Variants in ATG5 observed in about 807,000 individuals in gnomAD.
ATG5 encodes the protein autophagy protein 5.
ATG5 carries 14 observed loss-of-function variants against 36.5 expected under a neutral mutation model. The observed-to-expected ratio is 0.38, with a 90% confidence interval of 0.25 to 0.60. The LOEUF (loss-of-function observed/expected upper bound fraction) is 0.60, where lower values mean the gene tolerates loss of function less well. Ranked by LOEUF, ATG5 falls within the 20% of genes least tolerant of loss-of-function variation. The probability of loss-of-function intolerance (pLI) is 0.60; values close to 1 mark genes in which losing one functional copy is unlikely to be tolerated. For synonymous variants in ATG5, 95 were observed against 101.5 expected, an observed-to-expected ratio of 0.94 and a Z score of 0.38; for missense variants, 195 against 326.7, an observed-to-expected ratio of 0.60 and a Z score of 3.11.
chr6:106,278,114 AT>A (rs1779733657), intron 5 of ATG5, among the ~76,000 whole-genome samples: 1 of 151,756 alleles, frequency 6.6e-6, no homozygotes, highest in Admixed American at 6.6e-5. Flanking sequence ...TAATGTTTAG[AT>A]TTTTTTGCAG....
chr6:106,269,189 CAG>C (rs1282691904), intron 5 of ATG5, among the ~76,000 whole-genome samples: 2 of 152,114 alleles, frequency 1.3e-5, no homozygotes, highest in Non-Finnish European at 2.9e-5. Flanking sequence ...TAGCTAGTTA[CAG>C]AGTGTCGATT....
At chr6:106,225,717 G>A (rs932603686) in intron 6 of ATG5, among the ~76,000 whole-genome samples, 2 of 152,046 alleles carry the variant, frequency 1.3e-5, no homozygotes, top group African/African-American at 4.8e-5. Context: ...TATTTGATCT[G>A]CCAGTTCCCT....
intron 7 of ATG5, among the ~76,000 whole-genome samples, chr6:106,198,214 A>C (rs941281067): frequency 3.3e-5 from 5 of 152,198 alleles, no homozygotes; most frequent in African/African-American, 1.2e-4. Context: ...TTCAAAAATA[A>C]AAAGTTTACT....
chr6:106,201,778 G>A (rs942768749), intron 7 of ATG5, 194 bp downstream of exon 7: 1 of 351,478 alleles, frequency 2.8e-6, no homozygotes, highest in Non-Finnish European at 5.1e-6. Context: ...TTCGCCAGTC[G>A]AGTCATCATT....
chr6:106,197,686 C>T (rs1016791185), intron 7 of ATG5, among the ~76,000 whole-genome samples: 3 of 152,104 alleles, frequency 2.0e-5, no homozygotes, highest in Admixed American at 6.6e-5. Flanking sequence ...ATGTGACCAC[C>T]GCACACACCA....
intron 6 of ATG5, among the ~76,000 whole-genome samples, chr6:106,246,390 T>TCACACA (rs1423043399): frequency 8.9e-4 from 101 of 113,522 alleles, no homozygotes; most frequent in African/African-American, 3.7e-3. Context: ...TCTCTCTCTC[T>TCACACA]CTCACACACA....
intron 5 of ATG5, among the ~76,000 whole-genome samples, chr6:106,275,058 G>A (rs1449494407): frequency 6.6e-6 from 1 of 152,162 alleles, no homozygotes; most frequent in Non-Finnish European, 1.5e-5. Flanking sequence ...CATAATGTCA[G>A]ATATACACAA....
chr6:106,242,333 A>G (rs985339940), intron 6 of ATG5, among the ~76,000 whole-genome samples: 1 of 152,208 alleles, frequency 6.6e-6, no homozygotes, highest in African/African-American at 2.4e-5. Context: ...TGAGGACATC[A>G]TGATATGCGA....
chr6:106,317,415 C>G (rs1167491853), intron 1 of ATG5, among the ~76,000 whole-genome samples: 1 of 151,778 alleles, frequency 6.6e-6, no homozygotes, highest in Non-Finnish European at 1.5e-5. Context: ...TTTTTTTCCT[C>G]TTCCACTGAC....
chr6:106,191,621 C>T (rs1775968394), intron 7 of ATG5, among the ~76,000 whole-genome samples: 1 of 151,886 alleles, frequency 6.6e-6, no homozygotes, highest in Non-Finnish European at 1.5e-5. Flanking sequence ...ATGGGATATC[C>T]AAGCAAAGTA....
At position 106,265,876 on chromosome 6, in the gene ATG5, T is replaced by TGCCCAC. The variant is rs1779208819; in HGVS notation, c.478+13779_478+13784dup. 1.3e-5 allele frequency among the ~76,000 whole-genome samples: 2 copies of TGCCCAC among 152,158 alleles called. 1 individual carries two copies. Among genetic ancestry groups the TGCCCAC allele is most frequent in the African/African-American group, 4.8e-5 (2 of 41,430 alleles). On this transcript the variant is annotated intron_variant, in intron 5 of 7. Transcript: ENST00000369076. ...TAAGAGGGAAATTTATAGCACTAAA[T>TGCCCAC]GCCCACATCAGAAAGCTCGAAAGAT...
intron 3 of ATG5, among the ~76,000 whole-genome samples, chr6:106,295,970 A>G (rs543416695): frequency 2.3e-4 from 35 of 152,290 alleles, no homozygotes; most frequent in African/African-American, 8.2e-4. Context: ...AGAAAACTAT[A>G]AATATTTTAA....
chr6:106,221,501 C>T (rs1364979727), intron 6 of ATG5, among the ~76,000 whole-genome samples: 1 of 151,890 alleles, frequency 6.6e-6, no homozygotes. Context: ...ACCTGGGCAA[C>T]ATGGTGAAAC....
intron 5 of ATG5, among the ~76,000 whole-genome samples, chr6:106,267,945 C>T (rs919004268): frequency 5.9e-5 from 9 of 152,124 alleles, no homozygotes; most frequent in African/African-American, 1.9e-4. Context: ...GACTTCATGA[C>T]TAAAACACCA....
chr6:106,212,689 T>C (rs1173432660), intron 6 of ATG5, among the ~76,000 whole-genome samples: 1 of 152,180 alleles, frequency 6.6e-6, no homozygotes, highest in Non-Finnish European at 1.5e-5. Context: ...TGGCAATTAC[T>C]AGGGCCATCA....
intron 6 of ATG5, among the ~76,000 whole-genome samples, chr6:106,205,657 T>C (rs1166035755): frequency 6.6e-6 from 1 of 152,210 alleles, no homozygotes; most frequent in Non-Finnish European, 1.5e-5. Context: ...ACCTCACTAT[T>C]GGAGAAATAT....
At chr6:106,295,814 T>A (rs1440616401) in intron 3 of ATG5, among the ~76,000 whole-genome samples, 1 of 152,162 alleles carries the variant, frequency 6.6e-6, no homozygotes, top group Non-Finnish European at 1.5e-5. Flanking sequence ...TACTCCCACC[T>A]TGGCCACCCA....
In ATG5 at chr6:106,239,775, T is replaced by TA. The variant is rs1176292159; in HGVS notation, c.573+8374dup. On this transcript the variant is annotated intron_variant, in intron 6 of 7. Transcript: ENST00000369076. ...TGTGGCCTCTGCCTATTTTTGCAAA[T>TA]AAAGTTTTACTGGGACAAAGCCAAG... Among the ~76,000 whole-genome samples, 10 of 152,296 alleles carry TA rather than the reference T, an allele frequency of 6.6e-5. No individual in the cohort carries two copies. In the South Asian group the frequency reaches 1.7e-3, roughly 25 times the overall value.
intron 6 of ATG5, among the ~76,000 whole-genome samples, chr6:106,226,794 A>G (rs776447176): frequency 6.6e-5 from 10 of 152,232 alleles, no homozygotes; most frequent in Non-Finnish European, 1.3e-4. Context: ...ACAAAAAAGT[A>G]CCAAACAAAA....
Sources: gnomAD v4.1 joint callset for allele counts (sites outside exome capture counted in the v4.1 genomes callset) on GRCh38, gnomAD v4.1.1 for gene constraint, MANE v1.5 for transcripts, NCBI Gene and HGNC (gene_info 2026-07-23, HGNC 2026-07-21) for gene names.